CALCOCO1: variants seen among roughly 807,000 people sequenced by gnomAD.
CALCOCO1 encodes calcium binding and coiled-coil domain 1.
A neutral mutation model predicts 86.3 loss-of-function variants in CALCOCO1; 44 were observed. The ratio of observed to expected loss-of-function variants is 0.51; its 90% CI spans 0.40 to 0.66. The LOEUF (loss-of-function observed/expected upper bound fraction) is 0.66, where lower values mean the gene tolerates loss of function less well. CALCOCO1 is among the 30% of genes least tolerant of loss of function. The pLI is 0.00. For synonymous variants in CALCOCO1, 297 were observed against 327.6 expected (o/e 0.91, Z 1.01); for missense variants, 708 against 851.1 (o/e 0.83, Z 2.09).
chr12:53,711,125 C>A lies in CALCOCO1; in HGVS notation c.*819G>T. 2.5e-6 allele frequency: 1 copy of A among 396,894 alleles called. No individual in the cohort carries two copies. The highest frequency in any genetic ancestry group is 3.6e-5 in the East Asian group (1 of 27,950). 24.6% of individuals were successfully genotyped at this position (396,894 alleles called of 1,614,324 possible). A position where few individuals can be genotyped will look rare whatever the true frequency, so the allele number is the denominator to read the frequency against. On this transcript the variant is annotated 3_prime_UTR_variant, in exon 15 of 15. Transcript: ENST00000550804. ...ATTTTGTGACAACAGTCATACATATCATATAAATATATTTGTTCAAACTAC... is the reference window on the plus strand; with the variant it reads ...ATTTTGTGACAACAGTCATACATATAATATAAATATATTTGTTCAAACTAC...
intron 3 of CALCOCO1, chr12:53,724,131 A>G (rs1565650513): frequency 9.8e-6 from 4 of 409,632 alleles, no homozygotes; most frequent in Non-Finnish European, 1.4e-5. Flanking sequence ...CCCGGGTTCA[A>G]GAGATTCTCC....
rs1304789042 is a variant in CALCOCO1 at position 53,722,174 on chromosome 12, C to T, written c.460G>A (p.Asp154Asn). 1.2e-5 allele frequency: 19 copies of T among 1,613,040 alleles called. No individual in the cohort carries two copies. The highest frequency in any genetic ancestry group is 1.4e-5 in the Non-Finnish European group (16 of 1,180,040). ...PKATVLQNQL[D>N]ESQQERNDLM... ...TCATTCCGTTCTTGCTGGCTCTCAT[C>T]GAGCTGGTTCTACAGGCAGCAGAAG... Residue 154 changes from aspartate (D) to asparagine (N), a missense_variant, in exon 5 of 15, where the codon GAT (aspartate) becomes AAT (asparagine). Transcript: ENST00000550804.
chr12:53,726,029 G>A (rs777667437), intron 1 of CALCOCO1, among the ~76,000 whole-genome samples: 5 of 152,068 alleles, frequency 3.3e-5, no homozygotes, highest in Non-Finnish European at 7.4e-5. Flanking sequence ...GGAGTGAGGC[G>A]CTTAGCAGGA....
At chr12:53,724,831 G>A in intron 2 of CALCOCO1, 84 bp from the exon 3 acceptor site, 5 of 1,136,114 alleles carry the variant, frequency 4.4e-6, no homozygotes, top group Non-Finnish European at 6.4e-6. Context: ...GTTGAATAAG[G>A]GGGGCAGGAT....
In CALCOCO1 at chr12:53,723,681, G is replaced by A. The variant is rs772845571; in HGVS notation, c.362C>T (p.Pro121Leu). The A allele has an allele frequency of 6.2e-7, 1 of 1,614,192 alleles. No homozygotes were observed. The highest frequency in any genetic ancestry group is 1.1e-5 in the South Asian group (1 of 91,088). Residue 121 changes from proline (P) to leucine (L), a missense_variant, in exon 4 of 15, where the codon CCA (proline) becomes CTA (leucine). Pro to Leu is a moderately conservative substitution (Grantham distance 98). Coordinates refer to ENST00000550804, the MANE Select transcript of CALCOCO1 (RefSeq NM_020898.3). ...GQSPPFQFRE[P>L]RPMDELVTLE... The stretch of plus-strand genomic sequence containing the variant: ...GGTCACCAGTTCATCCATGGGCCTT[G>A]GCTCTCGGAACTGGAAAGGGGGGCT...
intron 7 of CALCOCO1, among the ~76,000 whole-genome samples, chr12:53,717,448 C>T (rs967963517): frequency 6.6e-6 from 1 of 152,202 alleles, no homozygotes; most frequent in African/African-American, 2.4e-5. Context: ...GCTCAAGATC[C>T]ACCACAGTCT....
chr12:53,709,725 T>G lies in CALCOCO1; in HGVS notation c.*2219A>C, dbSNP rs1371833522. 1 of 152,598 alleles carries G rather than the reference T, an allele frequency of 6.6e-6. No homozygotes were observed. Among genetic ancestry groups the G allele is most frequent in the Non-Finnish European group, 1.5e-5 (1 of 68,244 alleles). The allele number at this position is 152,598 out of a possible 1,614,324, so 9.5% of individuals were successfully genotyped here. On this transcript the variant is annotated 3_prime_UTR_variant, in exon 15 of 15. Coordinates refer to ENST00000550804, the MANE Select transcript of CALCOCO1 (RefSeq NM_020898.3). ...ATCAGTGGCCTTGTGCAGCTAGCCA[T>G]GTGGCTCCTGTGGGTGTATGTGCGG...
chr12:53,723,541 A>G, intron 4 of CALCOCO1, 52 bp downstream of exon 4: 5 of 1,594,782 alleles, frequency 3.1e-6, no homozygotes, highest in South Asian at 1.1e-5. Context: ...TCCTCTTGCA[A>G]TGCTGTCTCC....
chr12:53,721,781 C>T lies in CALCOCO1; in HGVS notation c.610-166G>A, dbSNP rs142310561. The T allele has an allele frequency of 3.2e-5, 29 of 893,564 alleles. No individual in the cohort carries two copies. The South Asian group carries it at 3.7e-4, about 12-fold the overall frequency. 55.4% of individuals were successfully genotyped at this position (893,564 alleles called of 1,614,324 possible). A position where few individuals can be genotyped will look rare whatever the true frequency, so the allele number is the denominator to read the frequency against. The stretch of plus-strand genomic sequence containing the variant: ...AAGGGAACATTCCCTTACCTATCAA[C>T]GTGGCCACCTCCACCTTACCCCAGC... On this transcript the variant is annotated intron_variant, in intron 5 of 14. Transcript: ENST00000550804.
At chr12:53,714,936 T>C (rs933055801) in intron 10 of CALCOCO1, among the ~76,000 whole-genome samples, 5 of 152,256 alleles carry the variant, frequency 3.3e-5, no homozygotes, top group South Asian at 4.1e-4. Flanking sequence ...TGACTTCCTC[T>C]AGGCTGGGGT....
At chr12:53,725,306 C>T (rs1372418479) in intron 1 of CALCOCO1, 40 bp from the exon 2 acceptor site, 1 of 1,368,310 alleles carries the variant, frequency 7.3e-7, no homozygotes, top group East Asian at 2.6e-5. Flanking sequence ...TCTTTCCAGT[C>T]CACCTCCTTC....
chr12:53,723,038 T>A, intron 4 of CALCOCO1: 1 of 341,468 alleles, frequency 2.9e-6, no homozygotes. Context: ...GTAGTCAAAA[T>A]AAAAATTATT....
rs752209208 is a variant in CALCOCO1 at position 53,721,950 on chromosome 12, C to T, written c.609+75G>A. On this transcript the variant is annotated intron_variant, in intron 5 of 14. Transcript: ENST00000550804. Reference sequence around the variant, plus strand: ...AAAGCCCACTAACATCTCTCCTTCACCCTCTTCACTGGGTTCAGATTTTGG... The same window carrying T: ...AAAGCCCACTAACATCTCTCCTTCATCCTCTTCACTGGGTTCAGATTTTGG... 9 of 1,544,166 alleles carry T rather than the reference C, an allele frequency of 5.8e-6. No individual in the cohort carries two copies. The East Asian group carries it at 1.6e-4, about 27-fold the overall frequency.
intron 1 of CALCOCO1, 131 bp from the exon 2 acceptor site, chr12:53,725,397 A>G: frequency 1.7e-6 from 1 of 596,214 alleles, no homozygotes; most frequent in Non-Finnish European, 2.8e-6. Context: ...CTAGTCCCTG[A>G]GGGTTACGGG....
At position 53,714,617 on chromosome 12, in the gene CALCOCO1, T is replaced by C; in HGVS notation, c.1463A>G (p.Gln488Arg). Residue 488 changes from glutamine (Q) to arginine (R), a missense_variant, in exon 11 of 15, where the codon CAG (glutamine) becomes CGG (arginine). Transcript: ENST00000550804. The stretch of plus-strand genomic sequence containing the variant: ...GCTCACCTGTTTCTCCTCCTGTAAC[T>C]GCTCCTTTTCCTTCTGGAGCACACG... ...ALRVLQKEKE[Q>R]LQEEKQELLE... 1.2e-6 allele frequency: 2 copies of C among 1,614,114 alleles called. No individual in the cohort carries two copies. The highest frequency in any genetic ancestry group is 1.1e-5 in the South Asian group (1 of 91,080).
intron 2 of CALCOCO1, 44 bp from the exon 3 acceptor site, chr12:53,724,791 C>A: frequency 6.7e-7 from 1 of 1,481,616 alleles, no homozygotes; most frequent in African/African-American, 1.4e-5. Flanking sequence ...CATGGAACTA[C>A]CTTCTATGGA....
In CALCOCO1 at chr12:53,709,812, T is replaced by C. The variant is rs1945516069; in HGVS notation, c.*2132A>G. 6.6e-6 allele frequency: 1 copy of C among 152,168 alleles called. No homozygotes were observed. Among genetic ancestry groups the C allele is most frequent in the African/African-American group, 2.4e-5 (1 of 41,426 alleles). 9.4% of individuals were successfully genotyped at this position (152,168 alleles called of 1,614,324 possible). A position where few individuals can be genotyped will look rare whatever the true frequency, so the allele number is the denominator to read the frequency against. On this transcript the variant is annotated 3_prime_UTR_variant, in exon 15 of 15. Coordinates refer to ENST00000550804, the MANE Select transcript of CALCOCO1 (RefSeq NM_020898.3). ...GTTCCTGTTTGTCTACTATTCTCCT[T>C]TTTTGCACAAGGCAGCCACTCACTG...
intron 6 of CALCOCO1, among the ~76,000 whole-genome samples, chr12:53,720,231 G>A (rs754699408): frequency 6.8e-4 from 103 of 152,072 alleles, no homozygotes; most frequent in Non-Finnish European, 1.0e-3. Flanking sequence ...TTTATGCTTT[G>A]CAGTCCATGT....
At chr12:53,715,395 A>G in intron 9 of CALCOCO1, 70 bp from the exon 10 acceptor site, 2 of 1,577,518 alleles carry the variant, frequency 1.3e-6, no homozygotes, top group Non-Finnish European at 1.7e-6. Flanking sequence ...TGTCAACAGC[A>G]CCATCCCTTA....
Sources: gnomAD v4.1 joint callset for allele counts (sites outside exome capture counted in the v4.1 genomes callset) on GRCh38, gnomAD v4.1.1 for gene constraint, MANE v1.5 for transcripts, NCBI Gene and HGNC (gene_info 2026-07-23, HGNC 2026-07-21) for gene names.